The following PPARGC1A variants were observed in gnomAD, a reference collection of about 807,000 sequenced individuals.
The protein encoded by PPARGC1A is peroxisome proliferator-activated receptor gamma coactivator 1-alpha.
Under a neutral mutation model 88.7 loss-of-function variants are expected in PPARGC1A, and 25 were observed. That is an observed-to-expected ratio of 0.28 (90% CI 0.21 to 0.39). The LOEUF is 0.39. Ranked by LOEUF, PPARGC1A falls within the 10% of genes least tolerant of loss-of-function variation. The probability of loss-of-function intolerance (pLI) is 1.00; values close to 1 mark genes in which losing one functional copy is unlikely to be tolerated. For missense variants in PPARGC1A, 880 were observed against 968.7 expected (o/e 0.91, Z 1.22); for synonymous variants, 363 against 355.6 (o/e 1.02, Z -0.24).
the PPARGC1A span, among the ~76,000 whole-genome samples, chr4:24,177,863 G>A: frequency 1.3e-5 from 2 of 151,998 alleles, no homozygotes; most frequent in South Asian, 4.2e-4. Flanking sequence ...GAAGTCTTAG[G>A]ATAGAACTAT....
chr4:24,393,656 G>C, the PPARGC1A span, among the ~76,000 whole-genome samples: 1 of 152,214 alleles, frequency 6.6e-6, no homozygotes, highest in Non-Finnish European at 1.5e-5. Context: ...ACACAGAGAA[G>C]TGAAAACACT....
chr4:24,066,245 G>A, the PPARGC1A span, among the ~76,000 whole-genome samples: 1 of 152,010 alleles, frequency 6.6e-6, no homozygotes, highest in Non-Finnish European at 1.5e-5. Context: ...TAAAAAGCAA[G>A]TGGACTGAAA....
the PPARGC1A span, among the ~76,000 whole-genome samples, chr4:24,167,607 C>T: frequency 8.5e-5 from 13 of 152,276 alleles, no homozygotes; most frequent in Admixed American, 2.6e-4. Flanking sequence ...GAAATTGCCA[C>T]AGCCACCCAA....
the PPARGC1A span, among the ~76,000 whole-genome samples, chr4:24,344,017 C>T: frequency 1.1e-4 from 16 of 152,072 alleles, no homozygotes; most frequent in African/African-American, 3.9e-4. Flanking sequence ...TCTGAGTTAC[C>T]TCACTTAGAA....
At chr4:24,449,264 A>G in the PPARGC1A span, among the ~76,000 whole-genome samples, 1 of 152,136 alleles carries the variant, frequency 6.6e-6, no homozygotes, top group Non-Finnish European at 1.5e-5. Flanking sequence ...GTCTTCTACC[A>G]TCTGCTCACT....
chr4:24,238,033 G>A, the PPARGC1A span, among the ~76,000 whole-genome samples: 1 of 152,184 alleles, frequency 6.6e-6, no homozygotes, highest in East Asian at 1.9e-4. Flanking sequence ...ACACAGAGAG[G>A]TTAGGTAACT....
chr4:24,049,534 T>A, the PPARGC1A span, among the ~76,000 whole-genome samples: 1 of 151,962 alleles, frequency 6.6e-6, no homozygotes, highest in African/African-American at 2.4e-5. Flanking sequence ...ATGGAAATTG[T>A]CCATCTGAAA....
intron 7 of PPARGC1A, among the ~76,000 whole-genome samples, chr4:23,815,304 C>T (rs1251019168): frequency 5.9e-5 from 9 of 152,186 alleles, no homozygotes; most frequent in African/African-American, 1.7e-4. Flanking sequence ...TAAACCATGG[C>T]TAATGTAGGT....
chr4:24,194,454 C>G, the PPARGC1A span, among the ~76,000 whole-genome samples: 1 of 152,250 alleles, frequency 6.6e-6, no homozygotes, highest in East Asian at 1.9e-4. Flanking sequence ...CTTTCTCTAC[C>G]TGCTGTCATC....
At chr4:23,970,551 A>T in the PPARGC1A span, among the ~76,000 whole-genome samples, 834 of 152,328 alleles carry the variant, frequency 5.5e-3, 38 homozygotes, top group East Asian at 0.089. Context: ...GGGGTAGGTA[A>T]CGGGGTTGGG....
At chr4:24,207,334 G>C in the PPARGC1A span, among the ~76,000 whole-genome samples, 6 of 152,092 alleles carry the variant, frequency 3.9e-5, no homozygotes, top group Admixed American at 6.6e-5. Context: ...CTCTAACATA[G>C]TCCCAATACC....
At chr4:24,454,196 G>C in the PPARGC1A span, among the ~76,000 whole-genome samples, 5 of 151,198 alleles carry the variant, frequency 3.3e-5, no homozygotes, top group Admixed American at 6.6e-5. Flanking sequence ...GAAGACATAA[G>C]TGAACCCAGC....
chr4:23,932,256 A>G, the PPARGC1A span, among the ~76,000 whole-genome samples: 2 of 151,944 alleles, frequency 1.3e-5, no homozygotes, highest in African/African-American at 4.8e-5. Flanking sequence ...AAGACAGAGA[A>G]CAAGAGAATG....
At position 23,799,146 on chromosome 4, in the gene PPARGC1A, C is replaced by A. The variant is rs566217902; in HGVS notation, c.2293+2584G>T. ...CCCCTGAGTCCAGTATATTCTTATG[C>A]CCTGAAATGTGCATGAACACTGAAT... On this transcript the variant is annotated intron_variant, in intron 12 of 12. Transcript: ENST00000264867. Among the ~76,000 whole-genome samples, 4 of 152,170 alleles carry A rather than the reference C, an allele frequency of 2.6e-5. No individual in the cohort carries two copies. The East Asian group carries it at 7.7e-4, about 29-fold the overall frequency.
At chr4:23,974,799 A>ATTTTTTTTTTTTTTTTTTTT in the PPARGC1A span, among the ~76,000 whole-genome samples, 87 of 61,110 alleles carry the variant, frequency 1.4e-3, 1 homozygote, top group Admixed American at 3.0e-3. Flanking sequence ...GGCCCGGCTA[A>ATTTTTTTTTTTTTTTTTTTT]TTTTTTTTTT....
At chr4:23,865,819 T>C (rs760757395) in intron 2 of PPARGC1A, among the ~76,000 whole-genome samples, 1 of 152,204 alleles carries the variant, frequency 6.6e-6, no homozygotes, top group African/African-American at 2.4e-5. Flanking sequence ...CTGGTCAACC[T>C]GAGAACAGTC....
At chr4:24,193,100 T>C in the PPARGC1A span, among the ~76,000 whole-genome samples, 15 of 152,234 alleles carry the variant, frequency 9.9e-5, no homozygotes, top group African/African-American at 3.4e-4. Flanking sequence ...AATTTAAGGA[T>C]GTTTAGTAAC....
intron 7 of PPARGC1A, among the ~76,000 whole-genome samples, chr4:23,815,214 C>T (rs3755862): frequency 0.073 from 11,127 of 151,778 alleles, 472 homozygotes; most frequent in East Asian, 0.18. Context: ...CAGTGAAATA[C>T]GACAGCCGAA....
At chr4:24,416,768 C>T in the PPARGC1A span, among the ~76,000 whole-genome samples, 7 of 152,228 alleles carry the variant, frequency 4.6e-5, no homozygotes, top group East Asian at 7.7e-4. Flanking sequence ...CAGTGGCTCA[C>T]GCCTGTAATC....
Sources: gnomAD v4.1 joint callset for allele counts (sites outside exome capture counted in the v4.1 genomes callset) on GRCh38, gnomAD v4.1.1 for gene constraint, MANE v1.5 for transcripts, NCBI Gene and HGNC (gene_info 2026-07-23, HGNC 2026-07-21) for gene names.